The following TIAM1 variants were observed in gnomAD, a reference collection of about 807,000 sequenced individuals.
TIAM1 encodes rho guanine nucleotide exchange factor TIAM1.
A neutral mutation model predicts 163.5 loss-of-function variants in TIAM1; 65 were observed. That is an observed-to-expected ratio of 0.40 (90% CI 0.33 to 0.49). TIAM1 has a LOEUF of 0.49. Ranked by LOEUF, TIAM1 falls within the 20% of genes least tolerant of loss-of-function variation. The probability of loss-of-function intolerance (pLI) is 0.77; values close to 1 mark genes in which losing one functional copy is unlikely to be tolerated. For missense variants in TIAM1, 1,789 were observed against 2,044.7 expected, an observed-to-expected ratio of 0.87 and a Z score of 2.41; for synonymous variants, 833 against 810.1, an observed-to-expected ratio of 1.03 and a Z score of -0.48.
chr21:31,193,214 C>T (rs571686177), intron 13 of TIAM1, among the ~76,000 whole-genome samples: 18 of 152,358 alleles, frequency 1.2e-4, no homozygotes, highest in South Asian at 8.3e-4. Context: ...TGCTATTCTT[C>T]GAAAGGCCCG....
intron 2 of TIAM1, among the ~76,000 whole-genome samples, chr21:31,390,407 G>C (rs776602285): frequency 1.3e-5 from 2 of 152,168 alleles, no homozygotes; most frequent in Non-Finnish European, 2.9e-5. Context: ...TACCCTTTAA[G>C]ATAATATCTT....
intron 25 of TIAM1, 60 bp downstream of exon 25, chr21:31,130,153 A>G: frequency 2.7e-6 from 4 of 1,477,072 alleles, no homozygotes; most frequent in Non-Finnish European, 3.8e-6. Context: ...ATTCAAACAA[A>G]TAATTCCTAC....
chr21:31,252,870 G>A (rs1018887514), intron 4 of TIAM1, among the ~76,000 whole-genome samples: 2 of 152,222 alleles, frequency 1.3e-5, no homozygotes, highest in Admixed American at 6.5e-5. Flanking sequence ...GGGGCCTACA[G>A]CTCCATTGAG....
At chr21:31,385,438 G>A (rs2076848946) in intron 2 of TIAM1, among the ~76,000 whole-genome samples, 1 of 152,206 alleles carries the variant, frequency 6.6e-6, no homozygotes, top group Admixed American at 6.5e-5. Context: ...AAGAAGGGTG[G>A]GGTCAAGGGT....
At chr21:31,317,022 G>T (rs1378522040) in intron 2 of TIAM1, among the ~76,000 whole-genome samples, 1 of 152,164 alleles carries the variant, frequency 6.6e-6, no homozygotes, top group African/African-American at 2.4e-5. Context: ...CGATAATAAA[G>T]CTGAGCTTTT....
chr21:31,411,207 G>C (rs911115690), intron 2 of TIAM1, among the ~76,000 whole-genome samples: 7 of 152,152 alleles, frequency 4.6e-5, no homozygotes, highest in African/African-American at 1.4e-4. Flanking sequence ...GTAAGAAGCT[G>C]GGGCTGTGCC....
At chr21:31,351,112 T>C (rs2076226954) in intron 2 of TIAM1, among the ~76,000 whole-genome samples, 1 of 152,264 alleles carries the variant, frequency 6.6e-6, no homozygotes, top group Non-Finnish European at 1.5e-5. Flanking sequence ...TACAAGTTAC[T>C]TTCAATCAGA....
At chr21:31,340,632 C>T (rs998921753) in intron 1 of TIAM1, among the ~76,000 whole-genome samples, 3 of 152,020 alleles carry the variant, frequency 2.0e-5, no homozygotes, top group African/African-American at 4.8e-5. Context: ...CCTGAGTAGC[C>T]GGGACTACAG....
chr21:31,253,938 T>C (rs1473264507), intron 4 of TIAM1, among the ~76,000 whole-genome samples: 2 of 152,234 alleles, frequency 1.3e-5, no homozygotes, highest in Non-Finnish European at 2.9e-5. Flanking sequence ...AAAGAAAATT[T>C]GACAATTGTT....
chr21:31,279,717 T>C (rs961194729), intron 2 of TIAM1, among the ~76,000 whole-genome samples: 6 of 152,196 alleles, frequency 3.9e-5, no homozygotes, highest in African/African-American at 1.4e-4. Flanking sequence ...CCCATTATCG[T>C]TTCTCAATAA....
chr21:31,240,543 C>A (rs964740625), intron 6 of TIAM1, among the ~76,000 whole-genome samples: 3 of 152,170 alleles, frequency 2.0e-5, no homozygotes, highest in African/African-American at 7.2e-5. Flanking sequence ...CAAGGTAGAT[C>A]TCTACATCTT....
intron 2 of TIAM1, among the ~76,000 whole-genome samples, chr21:31,337,148 AC>A (rs2075866471): frequency 6.6e-6 from 1 of 152,142 alleles, no homozygotes; most frequent in Non-Finnish European, 1.5e-5. Flanking sequence ...AGTCATGTAT[AC>A]GTTTTTGATT....
intron 2 of TIAM1, among the ~76,000 whole-genome samples, chr21:31,287,240 T>C (rs969095804): frequency 2.0e-5 from 3 of 152,218 alleles, no homozygotes; most frequent in African/African-American, 7.2e-5. Context: ...GGCTTCTAAA[T>C]AGCTACGCTT....
chr21:31,204,047 G>A (rs1232279530), intron 11 of TIAM1, among the ~76,000 whole-genome samples: 1 of 152,048 alleles, frequency 6.6e-6, no homozygotes, highest in Non-Finnish European at 1.5e-5. Flanking sequence ...TTAATTTTGA[G>A]GAATAAGTAA....
chr21:31,205,358 CATT>C (rs145765709), intron 11 of TIAM1, among the ~76,000 whole-genome samples: 3,057 of 152,270 alleles, frequency 0.02, 115 homozygotes, highest in African/African-American at 0.07. Context: ...TTATCATCAT[CATT>C]AATAAACACT....
intron 2 of TIAM1, among the ~76,000 whole-genome samples, chr21:31,421,467 C>T (rs117218954): frequency 0.025 from 3,818 of 152,290 alleles, 77 homozygotes; most frequent in Middle Eastern, 0.061. Context: ...ACCTGAGCTC[C>T]GCCTCCTGTC....
chr21:31,188,094 G>A (rs570723773), intron 13 of TIAM1, among the ~76,000 whole-genome samples: 2 of 152,182 alleles, frequency 1.3e-5, no homozygotes, highest in East Asian at 3.9e-4. Context: ...GTAAGATTGG[G>A]TTCCAGGGAG....
In TIAM1 at chr21:31,410,382, G is replaced by A. The variant is rs536266107; in HGVS notation, c.-369+53601C>T. On this transcript the variant is annotated intron_variant, in intron 2 of 28. Coordinates refer to the TIAM1 transcript ENST00000286827. ...TGTGAGCAACTGTGTGTAAGAGTGT[G>A]TGTGACGGTACGTAAATGAGACAGT... Among the ~76,000 whole-genome samples the A allele has an allele frequency of 5.3e-5, 8 of 152,126 alleles. No individual in the cohort carries two copies. In the South Asian group the frequency reaches 8.3e-4, roughly 16 times the overall value.
At chr21:31,235,422 T>C (rs1490630136) in intron 6 of TIAM1, among the ~76,000 whole-genome samples, 1 of 152,262 alleles carries the variant, frequency 6.6e-6, no homozygotes, top group Non-Finnish European at 1.5e-5. Flanking sequence ...AATGTTCATA[T>C]ACCTATATGG....
Sources: allele counts gnomAD v4.1 joint callset (sites outside exome capture counted in the v4.1 genomes callset), GRCh38; gene constraint gnomAD v4.1.1; transcripts MANE v1.5; gene names NCBI Gene and HGNC (gene_info 2026-07-23, HGNC 2026-07-21).